TFG: variants seen among roughly 807,000 people sequenced by gnomAD.
TFG encodes trafficking from ER to golgi regulator.
A neutral mutation model predicts 51.4 loss-of-function variants in TFG; 22 were observed. The ratio of observed to expected loss-of-function variants is 0.43; its 90% CI spans 0.31 to 0.61. The LOEUF (loss-of-function observed/expected upper bound fraction) is 0.61. TFG is among the 20% of genes least tolerant of loss of function. TFG has a pLI of 0.12. For synonymous variants in TFG, 187 were observed against 165.6 expected, an observed-to-expected ratio of 1.13 and a Z score of -0.99; for missense variants, 419 against 487.7, an observed-to-expected ratio of 0.86 and a Z score of 1.33.
intron 6 of TFG, among the ~76,000 whole-genome samples, chr3:100,737,772 G>A (rs1318807736): frequency 6.6e-6 from 1 of 152,180 alleles, no homozygotes; most frequent in Non-Finnish European, 1.5e-5. Flanking sequence ...TACCTGGCTA[G>A]GTGTGGTGCC....
intron 3 of TFG, among the ~76,000 whole-genome samples, chr3:100,720,733 A>T (rs2095058432): frequency 6.6e-6 from 1 of 152,254 alleles, no homozygotes; most frequent in Admixed American, 6.5e-5. Flanking sequence ...GTACTTAAAG[A>T]TTAAAAATAG....
At chr3:100,738,568 TTC>T (rs1351154752) in intron 6 of TFG, among the ~76,000 whole-genome samples, 1 of 152,174 alleles carries the variant, frequency 6.6e-6, no homozygotes, top group Admixed American at 6.5e-5. Context: ...ACAGTGAAAA[TTC>T]TCTCTCCCAC....
chr3:100,742,291 C>T (rs2095123356), intron 6 of TFG, among the ~76,000 whole-genome samples: 1 of 152,060 alleles, frequency 6.6e-6, no homozygotes, highest in South Asian at 2.1e-4. Context: ...ATCAGTTCTA[C>T]CATAGGCTAA....
At chr3:100,717,079 CTTTTGAGGTCTTAT>C (rs1182665468) in intron 2 of TFG, among the ~76,000 whole-genome samples, 2 of 152,134 alleles carry the variant, frequency 1.3e-5, no homozygotes, top group African/African-American at 4.8e-5. Flanking sequence ...ATTGACTGCA[CTTTTGAGGTCTTAT>C]TCATGAAATC....
intron 2 of TFG, 38 bp downstream of exon 2, chr3:100,713,907 T>TTTAA: frequency 1.1e-6 from 1 of 898,908 alleles, no homozygotes; most frequent in African/African-American, 1.8e-5. Context: ...AAAGTCTTTT[T>TTTAA]AAAAAAAAAA....
intron 3 of TFG, among the ~76,000 whole-genome samples, chr3:100,727,469 C>G (rs2095079220): frequency 6.6e-6 from 1 of 152,138 alleles, no homozygotes; most frequent in South Asian, 2.1e-4. Context: ...ATGTCCTTTT[C>G]TAATTAGGTG....
At chr3:100,711,287 G>C (rs2149054190) in intron 1 of TFG, among the ~76,000 whole-genome samples, 1 of 152,278 alleles carries the variant, frequency 6.6e-6, no homozygotes, top group East Asian at 1.9e-4. Context: ...ATTTTTAGTA[G>C]AGACAGGGTT....
chr3:100,729,955 AATACT>A (rs1455248577), intron 4 of TFG, among the ~76,000 whole-genome samples: 2 of 152,154 alleles, frequency 1.3e-5, no homozygotes, highest in Non-Finnish European at 2.9e-5. Flanking sequence ...AGATTTGCTG[AATACT>A]ATAATGAGAT....
At chr3:100,744,229 T>C (rs2095129073) in intron 6 of TFG, 1 of 152,222 alleles carries the variant, frequency 6.6e-6, no homozygotes, top group Non-Finnish European at 1.5e-5. Context: ...CATTATTAAA[T>C]AGTGCAATGA....
At chr3:100,722,630 C>T (rs894444857) in intron 3 of TFG, among the ~76,000 whole-genome samples, 1 of 152,000 alleles carries the variant, frequency 6.6e-6, no homozygotes, top group African/African-American at 2.4e-5. Flanking sequence ...TTAAAAGTAG[C>T]CAGAGAGAAT....
intron 2 of TFG, among the ~76,000 whole-genome samples, chr3:100,716,587 C>T (rs1037587579): frequency 2.0e-5 from 3 of 152,022 alleles, no homozygotes; most frequent in Non-Finnish European, 2.9e-5. Context: ...TGTGTTAGTT[C>T]GATTTATAGT....
chr3:100,724,720 G>A (rs1243273069), intron 3 of TFG, among the ~76,000 whole-genome samples: 1 of 152,170 alleles, frequency 6.6e-6, no homozygotes, highest in Non-Finnish European at 1.5e-5. Flanking sequence ...AAACTCATCA[G>A]TGAATATTTA....
At chr3:100,742,851 GT>G (rs2095124953) in intron 6 of TFG, 1 of 150,928 alleles carries the variant, frequency 6.6e-6, no homozygotes, top group African/African-American at 2.4e-5. Flanking sequence ...CTCTAGGGAT[GT>G]TTTTCAAAAT....
intron 6 of TFG, chr3:100,742,441 A>C (rs1016499933): frequency 2.0e-5 from 3 of 152,226 alleles, no homozygotes; most frequent in Non-Finnish European, 4.4e-5. Context: ...ATAATGATTT[A>C]TGCAGTTATT....
rs1274729758 is a variant in TFG at position 100,748,501 on chromosome 3, C to T, written c.1173C>T (p.Gly391=). ...YARNRPPFGQ[G]YTQPGPGYR Reference sequence around the variant, plus strand: ...GTAACCGTCCTCCCTTTGGTCAGGGCTATACCCAACCTGGACCTGGTTATC... The same window carrying T: ...GTAACCGTCCTCCCTTTGGTCAGGGTTATACCCAACCTGGACCTGGTTATC... Residue 391 remains glycine, a synonymous_variant, in exon 8 of 8, where the codon GGC becomes GGT. Transcript: ENST00000240851. The T allele has an allele frequency of 6.2e-7, 1 of 1,613,534 alleles. No homozygotes were observed. Among genetic ancestry groups the T allele is most frequent in the Admixed American group, 1.7e-5 (1 of 59,998 alleles).
At chr3:100,721,908 T>C (rs1042273335) in intron 3 of TFG, among the ~76,000 whole-genome samples, 4 of 152,230 alleles carry the variant, frequency 2.6e-5, no homozygotes, top group African/African-American at 9.6e-5. Context: ...TCCAGCACTT[T>C]GGGAGGCCAA....
intron 5 of TFG, among the ~76,000 whole-genome samples, chr3:100,734,249 C>T (rs2095100060): frequency 6.6e-6 from 1 of 152,130 alleles, no homozygotes; most frequent in African/African-American, 2.4e-5. Flanking sequence ...CCTTCTTTCT[C>T]CCTATGGTGT....
intron 6 of TFG, among the ~76,000 whole-genome samples, chr3:100,739,813 A>G (rs1423652360): frequency 6.6e-6 from 1 of 152,116 alleles, no homozygotes; most frequent in Non-Finnish European, 1.5e-5. Context: ...TGTCCAACTG[A>G]TAATCTTCTT....
At chr3:100,723,927 C>G (rs891966794) in intron 3 of TFG, among the ~76,000 whole-genome samples, 6 of 151,660 alleles carry the variant, frequency 4.0e-5, no homozygotes, top group African/African-American at 1.5e-4. Context: ...AATTAGATAT[C>G]TTAAAGGTCA....
Sources: allele counts gnomAD v4.1 joint callset (sites outside exome capture counted in the v4.1 genomes callset), GRCh38; gene constraint gnomAD v4.1.1; transcripts MANE v1.5; gene names NCBI Gene and HGNC (gene_info 2026-07-23, HGNC 2026-07-21).